The following RLN2 variants were observed in gnomAD, a reference collection of about 807,000 sequenced individuals.
RLN2 encodes the protein prorelaxin H2.
In RLN2, 10 loss-of-function variants were observed where a neutral mutation model predicts 7.3. The observed-to-expected ratio is 1.36, with a 90% CI of 0.84 to 2.31. The LOEUF (loss-of-function observed/expected upper bound fraction) is 2.31. Ranked by LOEUF, RLN2 falls within the 30% of genes most tolerant of loss-of-function variation. RLN2 has a pLI of 0.00. For synonymous variants in RLN2, 103 were observed against 82.3 expected (o/e 1.25, Z -1.36); for missense variants, 298 against 217.6 (o/e 1.37, Z -2.32).
the RLN2 span, among the ~76,000 whole-genome samples, chr9:5,327,575 G>A: frequency 6.6e-6 from 1 of 152,056 alleles, no homozygotes; most frequent in Admixed American, 6.5e-5. Context: ...CGGCATTCGA[G>A]CTTTGGGAAT....
the RLN2 span, among the ~76,000 whole-genome samples, chr9:5,322,399 A>T: frequency 2.1e-4 from 32 of 152,054 alleles, no homozygotes; most frequent in Admixed American, 2.1e-3. Flanking sequence ...AAAGTATTTA[A>T]TAGTTACTGA....
At chr9:5,311,528 T>C in the RLN2 span, 5 of 727,018 alleles carry the variant, frequency 6.9e-6, no homozygotes, top group African/African-American at 3.5e-5. Flanking sequence ...CATGAGGTTG[T>C]CTACTAAACC....
chr9:5,322,033 G>A, the RLN2 span, among the ~76,000 whole-genome samples: 1 of 152,060 alleles, frequency 6.6e-6, no homozygotes. Flanking sequence ...TGTGCAAATA[G>A]GAACTCTGTA....
At chr9:5,306,296 C>G (rs1039992556), upstream of RLN2, among the ~76,000 whole-genome samples, 56 of 151,612 alleles carry the variant, frequency 3.7e-4, no homozygotes, top group African/African-American at 1.2e-3. Context: ...TTATTAGAGA[C>G]TGGGTTTCAC....
upstream of RLN2, among the ~76,000 whole-genome samples, chr9:5,309,359 T>A (rs1816307120): frequency 1.3e-5 from 2 of 152,154 alleles, no homozygotes; most frequent in South Asian, 4.1e-4. Context: ...TATTTCCCAT[T>A]ACCCCTAGCA....
the RLN2 span, among the ~76,000 whole-genome samples, chr9:5,330,283 A>T: frequency 6.6e-6 from 1 of 152,066 alleles, no homozygotes; most frequent in African/African-American, 2.4e-5. Context: ...AATTTATAGC[A>T]CTAAATGCCC....
chr9:5,335,255 C>A, the RLN2 span: 2 of 1,575,552 alleles, frequency 1.3e-6, no homozygotes, highest in Admixed American at 1.9e-5. Context: ...TTCATCTCAG[C>A]AATATTTAGC....
At chr9:5,312,115 G>A in the RLN2 span, among the ~76,000 whole-genome samples, 1 of 151,898 alleles carries the variant, frequency 6.6e-6, no homozygotes. Context: ...TTGATGTGGG[G>A]AAAACACCTT....
chr9:5,330,647 A>G, the RLN2 span, among the ~76,000 whole-genome samples: 1 of 150,010 alleles, frequency 6.7e-6, no homozygotes, highest in East Asian at 1.9e-4. Flanking sequence ...CAAAAAAAAA[A>G]AAAAAAAAGA....
chr9:5,313,926 C>G, the RLN2 span, among the ~76,000 whole-genome samples: 1 of 152,064 alleles, frequency 6.6e-6, no homozygotes, highest in Non-Finnish European at 1.5e-5. Flanking sequence ...ACCTCCACCA[C>G]CCTATCCCTA....
Position 5,304,522 on chromosome 9 carries a change from G to T in RLN2, c.59C>A (p.Ser20Tyr). 5 of 1,613,902 alleles carry T rather than the reference G, an allele frequency of 3.1e-6. No homozygotes were observed. The highest frequency in any genetic ancestry group is 4.2e-6 in the Non-Finnish European group (5 of 1,179,942). Residue 20 changes from serine (S) to tyrosine (Y), a missense_variant, in exon 1 of 2, where the codon TCC (serine) becomes TAC (tyrosine). By Grantham distance (144) the Ser-to-Tyr change is moderately radical (BLOSUM62 -2). Coordinates refer to ENST00000381627, the MANE Select transcript of RLN2 (RefSeq NM_134441.3). Reference sequence around the variant, plus strand: ...CATCCATGAGTCCGCGACTGCTCTGGAAAATTGGTTCAGTAGTAAACAGAC... The same window carrying T: ...CATCCATGAGTCCGCGACTGCTCTGTAAAATTGGTTCAGTAGTAAACAGAC... ...LGVCLLLNQF[S>Y]RAVADSWMEE...
At chr9:5,306,163 A>G (rs1485340489), upstream of RLN2, among the ~76,000 whole-genome samples, 1 of 146,192 alleles carries the variant, frequency 6.8e-6, no homozygotes, top group Non-Finnish European at 1.5e-5. Context: ...GCTGGAGTGC[A>G]ATGGTGTGAT....
upstream of RLN2, among the ~76,000 whole-genome samples, chr9:5,308,866 G>T (rs750148400): frequency 6.6e-6 from 1 of 152,090 alleles, no homozygotes; most frequent in Non-Finnish European, 1.5e-5. Flanking sequence ...AAAGAAGGCA[G>T]TCACATCCTT....
At chr9:5,308,272 G>C (rs1816288920), upstream of RLN2, among the ~76,000 whole-genome samples, 1 of 151,786 alleles carries the variant, frequency 6.6e-6, no homozygotes. Context: ...GAAATACCTT[G>C]GTTAAGAGAT....
At chr9:5,311,819 A>G in the RLN2 span, 1 of 633,068 alleles carries the variant, frequency 1.6e-6, no homozygotes, top group Admixed American at 2.7e-5. Context: ...TTTTTTTAGT[A>G]TTTTTTTTCT....
chr9:5,305,396 CACACACAG>C (rs1278427364), upstream of RLN2, among the ~76,000 whole-genome samples: 41 of 141,630 alleles, frequency 2.9e-4, no homozygotes, highest in African/African-American at 9.0e-4. Context: ...CACACACACA[CACACACAG>C]AGAGAGAGAG....
chr9:5,300,469 T>A (rs745998970), intron 1 of RLN2, 25 bp from the exon 2 acceptor site: 3 of 1,487,548 alleles, frequency 2.0e-6, no homozygotes, highest in Non-Finnish European at 1.8e-6. Flanking sequence ...AAAAAAGGTG[T>A]ATGTGAGGGT....
At chr9:5,326,466 C>T in the RLN2 span, among the ~76,000 whole-genome samples, 46 of 152,066 alleles carry the variant, frequency 3.0e-4, no homozygotes, top group Non-Finnish European at 1.0e-4. Context: ...CCTAAAGACT[C>T]CTGCTGGTAC....
the RLN2 span, among the ~76,000 whole-genome samples, chr9:5,320,039 G>C: frequency 6.7e-6 from 1 of 150,298 alleles, no homozygotes; most frequent in Non-Finnish European, 1.5e-5. Flanking sequence ...AGACCAGAGT[G>C]AGGTGGCACA....
Sources: allele counts gnomAD v4.1 joint callset (sites outside exome capture counted in the v4.1 genomes callset), GRCh38; gene constraint gnomAD v4.1.1; transcripts MANE v1.5; gene names NCBI Gene and HGNC (gene_info 2026-07-23, HGNC 2026-07-21).